The following NDRG2 variants were observed in gnomAD, a reference collection of about 807,000 sequenced individuals.
NDRG2 encodes NDRG family member 2, also known as protein NDRG2.
NDRG2 carries 34 observed loss-of-function variants against 58.2 expected under a neutral mutation model. The observed-to-expected ratio is 0.58, with a 90% CI of 0.44 to 0.78. NDRG2 has a LOEUF of 0.78. NDRG2 is among the 30% of genes least tolerant of loss of function. The probability of loss-of-function intolerance (pLI) is 0.00; values close to 1 mark genes in which losing one functional copy is unlikely to be tolerated. For missense variants in NDRG2, 434 were observed against 471.2 expected, an observed-to-expected ratio of 0.92 and a Z score of 0.73; for synonymous variants, 187 against 175.9, an observed-to-expected ratio of 1.06 and a Z score of -0.50.
upstream of NDRG2, chr14:21,025,069 A>G: frequency 2.0e-6 from 2 of 983,456 alleles, no homozygotes; most frequent in South Asian, 4.7e-5. This position sits in a 1 kb window ranked among gnomAD's most constrained non-coding sequence, Gnocchi z 5.1. Context: ...CTTGCCTTTG[A>G]CTCGGGCCCG....
chr14:21,020,648 C>G (rs556529113), intron 7 of NDRG2, 66 bp from the exon 8 acceptor site: 1 of 1,586,316 alleles, frequency 6.3e-7, no homozygotes. Context: ...CCGCTAAGCT[C>G]GACCCACTCC....
At chr14:21,023,838 C>T (rs1882204895) in intron 1 of NDRG2, 192 bp downstream of exon 1, 2 of 429,474 alleles carry the variant, frequency 4.7e-6, no homozygotes, top group South Asian at 1.9e-4. Context: ...GCAACATGAC[C>T]AATGGGGGAG....
In NDRG2 at chr14:21,017,354, G is replaced by A. The variant is rs1277228044; in HGVS notation, c.*242C>T. Reference sequence around the variant, plus strand: ...GCCCTCTCCACCTTAACATCAAAATGGGGGAGGAGGAGAATTTAGGGGTCT... The same window carrying A: ...GCCCTCTCCACCTTAACATCAAAATAGGGGAGGAGGAGAATTTAGGGGTCT... On this transcript the variant is annotated 3_prime_UTR_variant, in exon 16 of 16. Transcript: ENST00000556147. 1 of 563,640 alleles carries A rather than the reference G, an allele frequency of 1.8e-6. No homozygotes were observed. Among genetic ancestry groups the A allele is most frequent in the Non-Finnish European group, 3.2e-6 (1 of 315,176 alleles). The allele number at this position is 563,640 out of a possible 1,614,324, so 34.9% of individuals were successfully genotyped here. A position where few individuals can be genotyped will look rare whatever the true frequency, so the allele number is the denominator to read the frequency against.
intron 1 of NDRG2, chr14:21,033,522 C>T: frequency 2.3e-6 from 1 of 439,616 alleles, no homozygotes; most frequent in Non-Finnish European, 4.2e-6. Flanking sequence ...AGTGGGTGGA[C>T]AGTCACTGCC....
chr14:21,020,824 A>C lies in NDRG2; in HGVS notation c.428T>G (p.Val143Gly). 1 of 1,613,178 alleles carries C rather than the reference A, an allele frequency of 6.2e-7. No homozygotes were observed. The highest frequency in any genetic ancestry group is 8.5e-7 in the Non-Finnish European group (1 of 1,179,822). The change falls in exon 7 of 16, where the codon GTT becomes GGT. Residue 143 changes from valine (V) to glycine (G), a missense_variant. Val to Gly is a moderately radical substitution (Grantham distance 109). Coordinates refer to ENST00000556147, the MANE Select transcript of NDRG2 (RefSeq NM_001320329.2). Reference protein sequence around the residue: ...QYLNFSTIIGVGVGAGAYILA... With the variant: ...QYLNFSTIIGGGVGAGAYILA... ...GATGTAGGCTCCAGCTCCAACACCA[A>C]CTCCAATTATTGTAGAGAAACTGTG...
Position 21,070,290 on chromosome 14 carries a change from G to T in NDRG2, c.24+538C>A, listed in dbSNP as rs1038467352. 60 of 1,212,990 alleles carry T rather than the reference G, an allele frequency of 4.9e-5. No individual in the cohort carries two copies. In the African/African-American group the frequency reaches 8.9e-4, roughly 18 times the overall value. The allele number at this position is 1,212,990 out of a possible 1,614,324, so 75.1% of individuals were successfully genotyped here. On this transcript the variant is annotated intron_variant, in intron 1 of 14. Transcript: ENST00000403829. This position sits in a 1 kb window ranked among gnomAD's most constrained non-coding sequence, Gnocchi z 4.7. ...GGGCCGAGCCGCCACCGCGGCCGGAGCTGTCCCTTAGCCAGACCCGGCGAG... is the reference window on the plus strand; with the variant it reads ...GGGCCGAGCCGCCACCGCGGCCGGATCTGTCCCTTAGCCAGACCCGGCGAG...
chr14:21,038,813 T>G (rs896392114), intron 1 of NDRG2, among the ~76,000 whole-genome samples: 8 of 152,154 alleles, frequency 5.3e-5, no homozygotes, highest in Admixed American at 1.3e-4. Context: ...CTGGCTTGTC[T>G]AAACGCATTG....
chr14:21,061,248 CAGG>C (rs894918564), intron 1 of NDRG2, among the ~76,000 whole-genome samples: 13 of 152,132 alleles, frequency 8.5e-5, no homozygotes, highest in African/African-American at 2.9e-4. Flanking sequence ...TAGGCAACAC[CAGG>C]AGAAGTTCAA....
In NDRG2 at chr14:21,022,874, T is replaced by A. The variant is rs199981570; in HGVS notation, c.107A>T (p.Asp36Val). 2 of 1,613,848 alleles carry A rather than the reference T, an allele frequency of 1.2e-6. No individual in the cohort carries two copies. The highest frequency in any genetic ancestry group is 1.7e-6 in the Non-Finnish European group (2 of 1,179,900). Residue 36 changes from aspartate to valine, a missense_variant, in exon 3 of 16, where the codon GAC becomes GTC. Transcript: ENST00000556147. ...EAELAARILL[D>V]QGQTHSVETP... is the part of the protein sequence containing the mutation. ...CCCCCACACTGTTACCTGTCCCTGG[T>A]CCAGGAGGATTCGGGCAGCTAACTC... is the stretch of plus-strand genomic sequence containing the variant.
At chr14:21,032,283 T>C in intron 1 of NDRG2, 3 of 666,798 alleles carry the variant, frequency 4.5e-6, no homozygotes, top group Non-Finnish European at 8.3e-6. Flanking sequence ...CTTAGCCTTA[T>C]GCCTACCAGC....
rs943741319 is a variant in NDRG2 at position 21,032,389 on chromosome 14, A to G, written c.25-9068T>C. ...ATGAACCAGATGTGGAGGTAAAAGT[A>G]TCTACTACTTGTGTTCACACATTAC... On this transcript the variant is annotated intron_variant, in intron 1 of 14. Coordinates refer to the NDRG2 transcript ENST00000403829. The G allele has an allele frequency of 2.1e-5, 10 of 474,770 alleles. No homozygotes were observed. The East Asian group carries it at 2.3e-4, about 11-fold the overall frequency. The allele number at this position is 474,770 out of a possible 1,614,324, so 29.4% of individuals were successfully genotyped here.
chr14:21,046,955 G>T, intron 1 of NDRG2: 1 of 152,564 alleles, frequency 6.6e-6, no homozygotes, highest in South Asian at 2.0e-4. Flanking sequence ...GAAGAGGAGG[G>T]GTTGGTCTTG....
Position 21,070,335 on chromosome 14 carries a change from G to T in NDRG2, c.24+493C>A. 7.2e-7 allele frequency: 1 copy of T among 1,398,084 alleles called. No homozygotes were observed. 86.6% of individuals were successfully genotyped at this position (1,398,084 alleles called of 1,614,324 possible). On this transcript the variant is annotated intron_variant, in intron 1 of 14. Coordinates refer to the NDRG2 transcript ENST00000403829. The surrounding 1 kb of genome is among the most constrained non-coding windows in gnomAD (Gnocchi z 4.7). ...GGCGAGACACGAGCGGCGGGAGGGAGGCGGTGGCGCGCCCGGCCCCGCCCG... is the reference window on the plus strand; with the variant it reads ...GGCGAGACACGAGCGGCGGGAGGGATGCGGTGGCGCGCCCGGCCCCGCCCG...
At position 21,022,463 on chromosome 14, in the gene NDRG2, G is replaced by C. The variant is rs1881075877; in HGVS notation, c.152C>G (p.Thr51Ser). Reference sequence around the variant, plus strand: ...TTTGGGGGTGCCATAGACAGTGAAAGTGACAGAGCCGTATGGTGTCTCCAC... The same window carrying C: ...TTTGGGGGTGCCATAGACAGTGAAACTGACAGAGCCGTATGGTGTCTCCAC... The part of the protein sequence containing the change: ...HSVETPYGSV[T>S]FTVYGTPKPK... Residue 51 changes from threonine to serine, a missense_variant, in exon 4 of 16, where the codon ACT becomes AGT. Transcript: ENST00000556147. 1.2e-6 allele frequency: 2 copies of C among 1,614,030 alleles called. No homozygotes were observed. The highest frequency in any genetic ancestry group is 1.3e-5 in the African/African-American group (1 of 74,910).
intron 1 of NDRG2, among the ~76,000 whole-genome samples, chr14:21,054,612 T>C (rs549022737): frequency 1.3e-5 from 2 of 152,322 alleles, no homozygotes; most frequent in Non-Finnish European, 2.9e-5. Flanking sequence ...TAATGAATTA[T>C]CAATAAACAG....
In NDRG2 at chr14:21,017,334, C is replaced by T; in HGVS notation, c.*262G>A. The stretch of plus-strand genomic sequence containing the variant: ...TCAGGACAGAGGATGCATATGCCCT[C>T]TCCACCTTAACATCAAAATGGGGGA... On this transcript the variant is annotated 3_prime_UTR_variant, in exon 16 of 16. Transcript: ENST00000556147. 1.9e-6 allele frequency: 1 copy of T among 530,778 alleles called. No individual in the cohort carries two copies. The allele number at this position is 530,778 out of a possible 1,614,324, so 32.9% of individuals were successfully genotyped here. A position where few individuals can be genotyped will look rare whatever the true frequency, so the allele number is the denominator to read the frequency against.
In NDRG2 at chr14:21,033,530, G is replaced by T. The variant is rs1884391288; in HGVS notation, c.25-10209C>A. 4 of 458,512 alleles carry T rather than the reference G, an allele frequency of 8.7e-6. No individual in the cohort carries two copies. In the South Asian group the frequency reaches 9.4e-5, roughly 11 times the overall value. 28.4% of individuals were successfully genotyped at this position (458,512 alleles called of 1,614,324 possible). On this transcript the variant is annotated intron_variant, in intron 1 of 14. Coordinates refer to the NDRG2 transcript ENST00000403829. ...CTGGCCCAGTGGGTGGACAGTCACTGCCAACTGGACACAGTCAACTTCTTG... is the reference window on the plus strand; with the variant it reads ...CTGGCCCAGTGGGTGGACAGTCACTTCCAACTGGACACAGTCAACTTCTTG...
chr14:21,059,805 G>GC (rs1381537291), intron 1 of NDRG2, among the ~76,000 whole-genome samples: 1 of 152,184 alleles, frequency 6.6e-6, no homozygotes, highest in Non-Finnish European at 1.5e-5. Context: ...GATTATAGGC[G>GC]TCAGCCATGG....
At chr14:21,026,170 C>A (rs530503541), upstream of NDRG2, among the ~76,000 whole-genome samples, 7 of 152,088 alleles carry the variant, frequency 4.6e-5, no homozygotes, top group Admixed American at 6.5e-5. Flanking sequence ...ACACACACAC[C>A]CTGGAATGAG....
Sources: gnomAD v4.1 joint callset for allele counts (sites outside exome capture counted in the v4.1 genomes callset) on GRCh38, gnomAD v4.1.1 for gene constraint, Gnocchi (gnomAD v3.1) non-coding constraint, MANE v1.5 for transcripts, NCBI Gene and HGNC (gene_info 2026-07-23, HGNC 2026-07-21) for gene names.